The following NRXN1 variants were observed in gnomAD, a reference collection of about 807,000 sequenced individuals.
NRXN1 encodes neurexin-1.
A neutral mutation model predicts 150.9 loss-of-function variants in NRXN1; 39 were observed. The observed-to-expected ratio is 0.26, with a 90% CI of 0.20 to 0.34. The LOEUF (loss-of-function observed/expected upper bound fraction) is 0.34, where lower values mean the gene tolerates loss of function less well. Ranked by LOEUF, NRXN1 falls within the 10% of genes least tolerant of loss-of-function variation. NRXN1 has a pLI of 1.00. For missense variants in NRXN1, 1,815 were observed against 1,949.9 expected (o/e 0.93, Z 1.30); for synonymous variants, 924 against 757.0 (o/e 1.22, Z -3.62).
chr2:50,356,940 T>G (rs534624383), intron 17 of NRXN1, among the ~76,000 whole-genome samples: 10 of 152,284 alleles, frequency 6.6e-5, no homozygotes, highest in African/African-American at 2.4e-4. Context: ...TTAAGATTTT[T>G]TTTTAATCAA....
At chr2:50,384,373 G>A (rs1009955645) in intron 17 of NRXN1, among the ~76,000 whole-genome samples, 4 of 151,938 alleles carry the variant, frequency 2.6e-5, no homozygotes, top group Non-Finnish European at 4.4e-5. Flanking sequence ...AAGTGTGGTT[G>A]TATGCGCCTG....
At chr2:50,336,099 C>T (rs76467035) in intron 17 of NRXN1, among the ~76,000 whole-genome samples, 2,673 of 152,112 alleles carry the variant, frequency 0.018, 80 homozygotes, top group African/African-American at 0.06. Flanking sequence ...AGTTAGTAGA[C>T]GCAATGAGAA....
rs766048412 is a variant in NRXN1, at chr2:49,922,141, G to A, written c.4327C>T (p.Leu1443=). 6.2e-7 allele frequency: 1 copy of A among 1,614,028 alleles called. No homozygotes were observed. The highest frequency in any genetic ancestry group is 1.3e-5 in the African/African-American group (1 of 74,918). Residue 1443 remains leucine, a synonymous_variant, in exon 23 of 23, where the codon CTG becomes TTG. Transcript: ENST00000401669. Reference sequence around the variant, plus strand: ...GCATAGAGGAGGATAAGGATGCACAGGGCGGCAGCGGCTACTATCCCAACG... The same window carrying A: ...GCATAGAGGAGGATAAGGATGCACAAGGCGGCAGCGGCTACTATCCCAACG... The part of the protein sequence containing the change: ...MVVGIVAAAA[L]CILILLYAMY...
intron 21 of NRXN1, among the ~76,000 whole-genome samples, chr2:50,002,104 C>T (rs546577949): frequency 5.3e-5 from 8 of 151,998 alleles, no homozygotes; most frequent in African/African-American, 1.9e-4. Flanking sequence ...TGCAGCCCTG[C>T]CAATTCTGTG....
intron 5 of NRXN1, among the ~76,000 whole-genome samples, chr2:50,658,384 T>C (rs1236702144): frequency 7.4e-6 from 1 of 135,744 alleles, no homozygotes; most frequent in Non-Finnish European, 1.6e-5. Flanking sequence ...AACTCAATGT[T>C]TTTAATTTAC....
intron 17 of NRXN1, among the ~76,000 whole-genome samples, chr2:50,261,166 C>T (rs1446559666): frequency 5.3e-5 from 8 of 151,730 alleles, no homozygotes; most frequent in African/African-American, 1.7e-4. Flanking sequence ...GTAGAAGCCA[C>T]CTCACTAACT....
chr2:49,982,378 C>T (rs2152509339), intron 21 of NRXN1, among the ~76,000 whole-genome samples: 1 of 152,018 alleles, frequency 6.6e-6, no homozygotes. Flanking sequence ...TTTATCTTTT[C>T]AGCTGGAGGG....
chr2:50,339,283 A>G (rs769750194), intron 17 of NRXN1, among the ~76,000 whole-genome samples: 9 of 152,166 alleles, frequency 5.9e-5, no homozygotes, highest in African/African-American at 9.7e-5. Flanking sequence ...AATTTTAATT[A>G]TTTGACAAAC....
chr2:50,455,995 T>C (rs1046660858), intron 17 of NRXN1, among the ~76,000 whole-genome samples: 1 of 152,172 alleles, frequency 6.6e-6, no homozygotes, highest in African/African-American at 2.4e-5. Context: ...TATCAAAATA[T>C]ACACTGTACC....
intron 8 of NRXN1, among the ~76,000 whole-genome samples, chr2:50,603,960 T>C (rs1319572899): frequency 1.3e-5 from 2 of 152,192 alleles, no homozygotes; most frequent in African/African-American, 4.8e-5. Context: ...ATCTGAAGCA[T>C]ATCTGGTTTG....
intron 2 of NRXN1, among the ~76,000 whole-genome samples, chr2:50,952,474 G>A (rs1389749121): frequency 2.6e-5 from 4 of 152,078 alleles, no homozygotes; most frequent in African/African-American, 7.2e-5. Flanking sequence ...GTTTTTGTTT[G>A]TCATGCCCAA....
In NRXN1 at chr2:49,921,690, A is replaced by G; in HGVS notation, c.*254T>C. 1 of 487,836 alleles carries G rather than the reference A, an allele frequency of 2.0e-6. No individual in the cohort carries two copies. The highest frequency in any genetic ancestry group is 3.6e-6 in the Non-Finnish European group (1 of 274,592). 30.2% of individuals were successfully genotyped at this position (487,836 alleles called of 1,614,324 possible). A position where few individuals can be genotyped will look rare whatever the true frequency, so the allele number is the denominator to read the frequency against. On this transcript the variant is annotated 3_prime_UTR_variant, in exon 23 of 23. Coordinates refer to ENST00000401669, the MANE Select transcript of NRXN1 (RefSeq NM_001330078.2). ...TTAGAAATGTTCCAGCAACATAAAG[A>G]CAAGCAGAGTAAATGAAAACACTGT...
chr2:50,327,399 G>T (rs915055793), intron 17 of NRXN1, among the ~76,000 whole-genome samples: 1 of 152,168 alleles, frequency 6.6e-6, no homozygotes, highest in Admixed American at 6.5e-5. Flanking sequence ...CTAAGACGTA[G>T]CTTGAGAGTC....
chr2:50,393,593 T>A (rs2081878395), intron 17 of NRXN1, among the ~76,000 whole-genome samples: 1 of 152,154 alleles, frequency 6.6e-6, no homozygotes, highest in South Asian at 2.1e-4. Context: ...AAACTTGAGA[T>A]AGAATGTATA....
chr2:50,789,752 T>C (rs1705668883), intron 5 of NRXN1, among the ~76,000 whole-genome samples: 1 of 152,038 alleles, frequency 6.6e-6, no homozygotes, highest in Non-Finnish European at 1.5e-5. Context: ...GCAGAGAAAG[T>C]AAAGATGAAA....
intron 17 of NRXN1, among the ~76,000 whole-genome samples, chr2:50,283,730 T>C (rs1716000): frequency 0.5 from 76,003 of 151,846 alleles, 19,586 homozygotes; most frequent in Middle Eastern, 0.55. Flanking sequence ...GGTTTTATGA[T>C]TTAATATATG....
chr2:50,804,498 C>A lies in NRXN1; in HGVS notation c.832+117371G>T, dbSNP rs1303841961. Among the ~76,000 whole-genome samples the A allele has an allele frequency of 2.0e-5, 3 of 152,172 alleles. No individual in the cohort carries two copies. In the East Asian group the frequency reaches 5.8e-4, roughly 29 times the overall value. On this transcript the variant is annotated intron_variant, in intron 5 of 22. Transcript: ENST00000401669. ...AAGATTTGAAGTTGAGTCTCTCAGA[C>A]TCCAAAATCTGAAACTTTTTCAAAT...
chr2:50,373,952 G>A (rs1449824936), intron 17 of NRXN1, among the ~76,000 whole-genome samples: 2 of 152,086 alleles, frequency 1.3e-5, no homozygotes, highest in East Asian at 3.9e-4. Flanking sequence ...AAATGATGCA[G>A]TTGGAAGGTA....
intron 21 of NRXN1, among the ~76,000 whole-genome samples, chr2:50,048,275 A>T (rs538122020): frequency 6.6e-6 from 1 of 152,164 alleles, no homozygotes; most frequent in Admixed American, 6.6e-5. Context: ...TTGCTGTAAA[A>T]ATGTACATTA....
Sources: gnomAD v4.1 joint callset for allele counts (sites outside exome capture counted in the v4.1 genomes callset) on GRCh38, gnomAD v4.1.1 for gene constraint, MANE v1.5 for transcripts, NCBI Gene and HGNC (gene_info 2026-07-23, HGNC 2026-07-21) for gene names.